KIF26B: variants seen among roughly 807,000 people sequenced by gnomAD.
KIF26B encodes kinesin-like protein KIF26B.
In KIF26B, 63 loss-of-function variants were observed where a neutral mutation model predicts 151.2. That is an observed-to-expected ratio of 0.42 (90% CI 0.34 to 0.51). The LOEUF (loss-of-function observed/expected upper bound fraction) is 0.51. Ranked by LOEUF, KIF26B falls within the 20% of genes least tolerant of loss-of-function variation. The probability of loss-of-function intolerance (pLI) is 0.07; values close to 1 mark genes in which losing one functional copy is unlikely to be tolerated. For synonymous variants in KIF26B, 1,357 were observed against 1,262.1 expected, an observed-to-expected ratio of 1.08 and a Z score of -1.59; for missense variants, 2,813 against 2,913.6, an observed-to-expected ratio of 0.97 and a Z score of 0.79.
chr1:245,411,233 G>A (rs953060709), intron 3 of KIF26B, among the ~76,000 whole-genome samples: 1 of 152,230 alleles, frequency 6.6e-6, no homozygotes, highest in Non-Finnish European at 1.5e-5. Context: ...CATCACCGCG[G>A]TTCTGGGTAG....
chr1:245,682,881 T>C (rs899919352), intron 10 of KIF26B, among the ~76,000 whole-genome samples: 2 of 152,190 alleles, frequency 1.3e-5, no homozygotes, highest in South Asian at 4.1e-4. Flanking sequence ...ACAGATAACG[T>C]TCTGAAGGAG....
chr1:245,586,540 C>G (rs915305979), intron 5 of KIF26B, among the ~76,000 whole-genome samples: 1 of 152,152 alleles, frequency 6.6e-6, no homozygotes, highest in Non-Finnish European at 1.5e-5. Context: ...TGTCATTCCT[C>G]TATTCTTCCA....
chr1:245,309,697 G>A (rs929972234), intron 2 of KIF26B, among the ~76,000 whole-genome samples: 30 of 147,016 alleles, frequency 2.0e-4, no homozygotes, highest in Non-Finnish European at 3.6e-4. Context: ...TATATATAGT[G>A]ATATATATAT....
intron 2 of KIF26B, among the ~76,000 whole-genome samples, chr1:245,342,571 T>G (rs1672356831): frequency 1.4e-5 from 2 of 147,832 alleles, no homozygotes; most frequent in Non-Finnish European, 2.9e-5. Flanking sequence ...GTTTTTGTTT[T>G]TTCCCTATTT....
chr1:245,540,701 C>T lies in KIF26B; in HGVS notation c.1167-66C>T, dbSNP rs555785891. ...GAACGAGGGGTTGTTTAAGAGAAAA[C>T]GAAGTAAGCCTAGCAGATCTGATCG... On this transcript the variant is annotated intron_variant, in intron 4 of 14. Transcript: ENST00000407071. This position sits in a 1 kb window ranked among gnomAD's most constrained non-coding sequence, Gnocchi z 4.6. 6 of 1,435,338 alleles carry T rather than the reference C, an allele frequency of 4.2e-6. No individual in the cohort carries two copies. Among genetic ancestry groups the T allele is most frequent in the African/African-American group, 1.4e-5 (1 of 71,408 alleles). 88.9% of individuals were successfully genotyped at this position (1,435,338 alleles called of 1,614,324 possible).
chr1:245,522,200 G>A (rs544575185), intron 4 of KIF26B, among the ~76,000 whole-genome samples: 30 of 152,214 alleles, frequency 2.0e-4, no homozygotes, highest in African/African-American at 4.6e-4. Context: ...CATGGACCAC[G>A]CTGGTAGATG....
chr1:245,639,634 C>T (rs1290203998), intron 9 of KIF26B, among the ~76,000 whole-genome samples: 1 of 151,734 alleles, frequency 6.6e-6, no homozygotes, highest in East Asian at 1.9e-4. Context: ...GCTACTTTTT[C>T]TGTATCCCGT....
intron 9 of KIF26B, among the ~76,000 whole-genome samples, chr1:245,630,876 T>G (rs577845438): frequency 6.6e-6 from 1 of 152,310 alleles, no homozygotes; most frequent in Non-Finnish European, 1.5e-5. Context: ...TTTCACCTCC[T>G]TACATTTATT....
At chr1:245,458,896 T>C (rs1659593683) in intron 4 of KIF26B, among the ~76,000 whole-genome samples, 1 of 152,210 alleles carries the variant, frequency 6.6e-6, no homozygotes, top group Admixed American at 6.5e-5. Flanking sequence ...TTAGCGTCCT[T>C]AGCCTACAAA....
intron 10 of KIF26B, among the ~76,000 whole-genome samples, chr1:245,671,430 C>G (rs969161999): frequency 1.3e-5 from 2 of 152,146 alleles, no homozygotes; most frequent in South Asian, 2.1e-4. Flanking sequence ...CTGGCACAGG[C>G]AAATTCATAG....
At chr1:245,523,457 G>GTTCCTAT (rs540187728) in intron 4 of KIF26B, among the ~76,000 whole-genome samples, 120 of 152,168 alleles carry the variant, frequency 7.9e-4, no homozygotes, top group African/African-American at 2.7e-3. Context: ...TAGTTCCTTT[G>GTTCCTAT]GGTCGTTATA....
In KIF26B at chr1:245,540,857, C is replaced by T. The variant is rs766357570; in HGVS notation, c.1257C>T (p.Ser419=). The change falls in exon 5 of 15, where the codon AGC becomes AGT. Residue 419 remains serine (S), a synonymous_variant. Transcript: ENST00000407071. The surrounding 1 kb of genome is among the most constrained non-coding windows in gnomAD (Gnocchi z 4.6). ...CCGAACCACCGCTCTTTGCAACCAG[C>T]TTCAGTGGGATTCTGCAGACCTCCC... ...SAAEPPLFAT[S]FSGILQTSPP... is the part of the protein sequence containing the mutation. The T allele has an allele frequency of 1.2e-6, 2 of 1,613,920 alleles. No homozygotes were observed. Among genetic ancestry groups the T allele is most frequent in the African/African-American group, 1.3e-5 (1 of 75,028 alleles).
chr1:245,701,924 T>A (rs1352159941), intron 14 of KIF26B, among the ~76,000 whole-genome samples: 1 of 152,210 alleles, frequency 6.6e-6, no homozygotes, highest in East Asian at 1.9e-4. Flanking sequence ...CCAGAGGGGT[T>A]GATCCCAGAT....
chr1:245,660,868 T>G (rs114447881), intron 10 of KIF26B, among the ~76,000 whole-genome samples: 5,079 of 152,122 alleles, frequency 0.033, 148 homozygotes, highest in South Asian at 0.068. Flanking sequence ...GAAGCTGGAG[T>G]GTAGTGGTGC....
At chr1:245,295,192 A>G (rs1671316857) in intron 2 of KIF26B, among the ~76,000 whole-genome samples, 1 of 152,232 alleles carries the variant, frequency 6.6e-6, no homozygotes, top group South Asian at 2.1e-4. Flanking sequence ...AACATTCGAT[A>G]TAACTTTATA....
At chr1:245,314,569 G>A (rs1399328098) in intron 2 of KIF26B, among the ~76,000 whole-genome samples, 1 of 152,200 alleles carries the variant, frequency 6.6e-6, no homozygotes, top group Non-Finnish European at 1.5e-5. Context: ...CGTGTGAATG[G>A]ATAAATGAGG....
chr1:245,590,804 A>G (rs951668006), intron 5 of KIF26B, among the ~76,000 whole-genome samples: 1 of 150,656 alleles, frequency 6.6e-6, no homozygotes, highest in African/African-American at 2.5e-5. Flanking sequence ...GCTACTTGGG[A>G]GGCTGAAGTG....
intron 3 of KIF26B, among the ~76,000 whole-genome samples, chr1:245,400,449 G>A (rs1463044134): frequency 6.7e-6 from 1 of 149,086 alleles, no homozygotes; most frequent in Admixed American, 6.7e-5. Flanking sequence ...CCTGAGGGAT[G>A]TATGCCCACA....
rs555223013 is a variant in KIF26B at position 245,385,842 on chromosome 1, T to A, written c.999+18475T>A. On this transcript the variant is annotated intron_variant, in intron 3 of 14. Transcript: ENST00000407071. ...AGGAGGAAGACAGCAGCAGAAGGGTTGCGTGTGTGAAGGCAGGGTCACAGA... is the reference window on the plus strand; with the variant it reads ...AGGAGGAAGACAGCAGCAGAAGGGTAGCGTGTGTGAAGGCAGGGTCACAGA... Among the ~76,000 whole-genome samples the A allele has an allele frequency of 3.3e-5, 5 of 152,206 alleles. No homozygotes were observed. In the East Asian group the frequency reaches 7.7e-4, roughly 23 times the overall value.
Sources: gnomAD v4.1 joint callset for allele counts (sites outside exome capture counted in the v4.1 genomes callset) on GRCh38, gnomAD v4.1.1 for gene constraint, Gnocchi (gnomAD v3.1) non-coding constraint, MANE v1.5 for transcripts, NCBI Gene and HGNC (gene_info 2026-07-23, HGNC 2026-07-21) for gene names.